The following CNTN5 variants were observed in gnomAD, a reference collection of about 807,000 sequenced individuals.
CNTN5 encodes the protein contactin-5.
In CNTN5, 77 loss-of-function variants were observed where a neutral mutation model predicts 129.1. The observed-to-expected ratio is 0.60, with a 90% CI of 0.50 to 0.72. The LOEUF (loss-of-function observed/expected upper bound fraction) is 0.72. Ranked by LOEUF, CNTN5 falls within the 30% of genes least tolerant of loss-of-function variation. CNTN5 has a pLI of 0.00. For missense variants in CNTN5, 1,478 were observed against 1,328.8 expected, an observed-to-expected ratio of 1.11 and a Z score of -1.75; for synonymous variants, 509 against 465.6, an observed-to-expected ratio of 1.09 and a Z score of -1.20.
At chr11:100,263,737 A>G (rs1950248503) in intron 17 of CNTN5, among the ~76,000 whole-genome samples, 1 of 152,162 alleles carries the variant, frequency 6.6e-6, no homozygotes, top group African/African-American at 2.4e-5. Context: ...TCTTATTCTT[A>G]GTATGACAGC....
intron 3 of CNTN5, among the ~76,000 whole-genome samples, chr11:99,799,959 C>T (rs1219223237): frequency 6.6e-6 from 1 of 151,966 alleles, no homozygotes; most frequent in Non-Finnish European, 1.5e-5. Context: ...CCATTTCTCT[C>T]TGATTCAATT....
intron 2 of CNTN5, among the ~76,000 whole-genome samples, chr11:99,335,024 C>T (rs1565499263): frequency 6.6e-6 from 1 of 152,082 alleles, no homozygotes; most frequent in African/African-American, 2.4e-5. Context: ...GCAATACTTC[C>T]TCTGGAAGTC....
intron 21 of CNTN5, among the ~76,000 whole-genome samples, chr11:100,340,187 G>T (rs1008845292): frequency 6.6e-6 from 1 of 152,172 alleles, no homozygotes; most frequent in Non-Finnish European, 1.5e-5. Flanking sequence ...ATGTCAGGAT[G>T]CATTTTCACT....
intron 4 of CNTN5, among the ~76,000 whole-genome samples, chr11:99,837,851 A>G (rs1191910830): frequency 6.6e-6 from 1 of 152,108 alleles, no homozygotes; most frequent in Non-Finnish European, 1.5e-5. Flanking sequence ...GTTATATAGA[A>G]ACAGCTTTGT....
intron 13 of CNTN5, among the ~76,000 whole-genome samples, chr11:100,079,213 G>C (rs76385391): frequency 6.6e-6 from 1 of 152,110 alleles, no homozygotes; most frequent in Non-Finnish European, 1.5e-5. Context: ...GGGACACAAA[G>C]CCTAACCGTA....
In CNTN5 at chr11:99,427,914, A is replaced by G. The variant is rs1393677943; in HGVS notation, c.-71+102430A>G. On this transcript the variant is annotated intron_variant, in intron 2 of 24. Transcript: ENST00000524871. ...ATCAAACCCAATCTCTAGAAAGACT[A>G]TTATTAATAATTTCCTTTTAATTTT... is the stretch of plus-strand genomic sequence containing the variant. 2.6e-5 allele frequency among the ~76,000 whole-genome samples: 4 copies of G among 151,952 alleles called. No homozygotes were observed. In the East Asian group the frequency reaches 7.7e-4, roughly 29 times the overall value.
intron 9 of CNTN5, among the ~76,000 whole-genome samples, chr11:100,040,523 G>A (rs566079638): frequency 1.3e-5 from 2 of 152,326 alleles, no homozygotes; most frequent in Admixed American, 6.5e-5. Flanking sequence ...TAAGTCTGCA[G>A]AGGTTACTGC....
intron 2 of CNTN5, among the ~76,000 whole-genome samples, chr11:99,459,723 T>C (rs1323659393): frequency 6.6e-6 from 1 of 152,018 alleles, no homozygotes; most frequent in Admixed American, 6.6e-5. Context: ...GCTTAAGGTC[T>C]GGTGGATAAG....
At chr11:99,768,471 T>C (rs1944833234) in intron 3 of CNTN5, among the ~76,000 whole-genome samples, 1 of 152,128 alleles carries the variant, frequency 6.6e-6, no homozygotes, top group Non-Finnish European at 1.5e-5. Context: ...GTTGCCTGAC[T>C]CAGCATCCAG....
chr11:99,282,505 C>T lies in CNTN5; in HGVS notation c.-209-42841C>T, dbSNP rs1014353965. On this transcript the variant is annotated intron_variant, in intron 1 of 24. Coordinates refer to ENST00000524871, the MANE Select transcript of CNTN5 (RefSeq NM_014361.4). ...GAGCAAAAGAGTAGAGGTGAGAGAG[C>T]GTGCACTGGTTAGAGAGAAGTAAAG... is the stretch of plus-strand genomic sequence containing the variant. 2.0e-5 allele frequency among the ~76,000 whole-genome samples: 3 copies of T among 151,942 alleles called. No individual in the cohort carries two copies. In the East Asian group the frequency reaches 5.8e-4, roughly 29 times the overall value.
chr11:100,286,977 G>T (rs1280846064), intron 18 of CNTN5, among the ~76,000 whole-genome samples: 1 of 152,090 alleles, frequency 6.6e-6, no homozygotes, highest in Non-Finnish European at 1.5e-5. Context: ...CTCAGGAGCC[G>T]ATGTGATCAA....
At chr11:100,295,694 T>C (rs918823837) in intron 18 of CNTN5, among the ~76,000 whole-genome samples, 29 of 151,376 alleles carry the variant, frequency 1.9e-4, no homozygotes, top group African/African-American at 6.0e-4. Flanking sequence ...TTTTAGATGA[T>C]GTTTTAGGGT....
intron 16 of CNTN5, among the ~76,000 whole-genome samples, chr11:100,229,115 G>A (rs974324565): frequency 5.9e-5 from 9 of 151,932 alleles, no homozygotes; most frequent in Non-Finnish European, 1.2e-4. Context: ...GCAAACAGAG[G>A]GGGCAAATCA....
At chr11:99,484,030 G>T (rs528197949) in intron 2 of CNTN5, among the ~76,000 whole-genome samples, 5 of 152,000 alleles carry the variant, frequency 3.3e-5, no homozygotes, top group African/African-American at 9.6e-5. Context: ...CAAAGCACAG[G>T]CAACAAAAGC....
chr11:100,086,690 G>A (rs565342676), intron 13 of CNTN5, among the ~76,000 whole-genome samples: 1 of 151,172 alleles, frequency 6.6e-6, no homozygotes, highest in Non-Finnish European at 1.5e-5. Context: ...TTTGTTTTAA[G>A]CAAAAATAAA....
chr11:99,433,662 A>G (rs1943489338), intron 2 of CNTN5, among the ~76,000 whole-genome samples: 1 of 152,150 alleles, frequency 6.6e-6, no homozygotes, highest in South Asian at 2.1e-4. Flanking sequence ...AAACAGAGTG[A>G]TTCAATAATA....
intron 2 of CNTN5, among the ~76,000 whole-genome samples, chr11:99,530,917 C>T (rs1369110826): frequency 3.9e-5 from 6 of 152,166 alleles, no homozygotes; most frequent in Non-Finnish European, 8.8e-5. Flanking sequence ...ATGTCTTTAT[C>T]AGCAGCATGA....
intron 21 of CNTN5, among the ~76,000 whole-genome samples, chr11:100,332,093 T>C (rs991980761): frequency 1.3e-5 from 2 of 151,926 alleles, no homozygotes; most frequent in Admixed American, 1.3e-4. Flanking sequence ...ATTAGCATGA[T>C]TAAACAAGAA....
chr11:99,384,576 G>A (rs959473929), intron 2 of CNTN5, among the ~76,000 whole-genome samples: 48 of 152,216 alleles, frequency 3.2e-4, no homozygotes, highest in Non-Finnish European at 4.4e-4. Context: ...AAGAGAAAAA[G>A]TGCATCCAAG....
Sources: gnomAD v4.1 joint callset for allele counts (sites outside exome capture counted in the v4.1 genomes callset) on GRCh38, gnomAD v4.1.1 for gene constraint, MANE v1.5 for transcripts, NCBI Gene and HGNC (gene_info 2026-07-23, HGNC 2026-07-21) for gene names.